The following GRB14 variants were observed in gnomAD, a reference collection of about 807,000 sequenced individuals.
GRB14 encodes growth factor receptor bound protein 14.
A neutral mutation model predicts 69.1 loss-of-function variants in GRB14; 38 were observed. The observed-to-expected ratio is 0.55, with a 90% CI of 0.42 to 0.72. The LOEUF is 0.72. GRB14 is among the 30% of genes least tolerant of loss of function. The pLI, the probability that GRB14 is intolerant of heterozygous loss-of-function variation, is 0.00. For synonymous variants in GRB14, 247 were observed against 241.3 expected, an observed-to-expected ratio of 1.02 and a Z score of -0.22; for missense variants, 666 against 666.1, an observed-to-expected ratio of 1.00 and a Z score of 0.00.
At chr2:164,495,682 C>T (rs899620628) in intron 12 of GRB14, among the ~76,000 whole-genome samples, 3 of 152,172 alleles carry the variant, frequency 2.0e-5, no homozygotes, top group South Asian at 4.1e-4. Context: ...AGATGTCTGA[C>T]GAGTTTATCC....
chr2:164,561,086 A>T (rs1688816361), intron 2 of GRB14, among the ~76,000 whole-genome samples: 1 of 152,146 alleles, frequency 6.6e-6, no homozygotes, highest in Non-Finnish European at 1.5e-5. Flanking sequence ...GAGACCGTTC[A>T]TTAGCCCAGC....
At chr2:164,600,871 T>A (rs1228500853) in intron 2 of GRB14, among the ~76,000 whole-genome samples, 1 of 152,160 alleles carries the variant, frequency 6.6e-6, no homozygotes, top group Non-Finnish European at 1.5e-5. Flanking sequence ...TAGCCCCACA[T>A]TTATTATAAT....
chr2:164,576,284 G>T (rs1489194977), intron 2 of GRB14, among the ~76,000 whole-genome samples: 2 of 148,494 alleles, frequency 1.3e-5, no homozygotes, highest in African/African-American at 2.5e-5. Flanking sequence ...AATAACAAGA[G>T]AATTAAAAAG....
intron 2 of GRB14, among the ~76,000 whole-genome samples, chr2:164,549,598 C>T (rs1414565878): frequency 2.0e-5 from 3 of 152,124 alleles, no homozygotes; most frequent in African/African-American, 7.2e-5. Flanking sequence ...CACAGTGGCT[C>T]ACATCTGTAA....
intron 3 of GRB14, among the ~76,000 whole-genome samples, chr2:164,541,580 A>G (rs1189856578): frequency 6.6e-6 from 1 of 151,878 alleles, no homozygotes; most frequent in Non-Finnish European, 1.5e-5. Flanking sequence ...CCACCACTGC[A>G]CTCCACCTCA....
intron 6 of GRB14, among the ~76,000 whole-genome samples, chr2:164,518,419 A>C (rs945030761): frequency 6.6e-6 from 1 of 152,188 alleles, no homozygotes; most frequent in South Asian, 2.1e-4. Context: ...AAAAAGTCTA[A>C]AAGAGCACAA....
chr2:164,583,632 T>C (rs1452518194), intron 2 of GRB14, among the ~76,000 whole-genome samples: 1 of 151,988 alleles, frequency 6.6e-6, no homozygotes, highest in African/African-American at 2.4e-5. Flanking sequence ...TACAAGGTAA[T>C]AGAGTAAAAT....
intron 3 of GRB14, among the ~76,000 whole-genome samples, chr2:164,544,601 T>A (rs1688319474): frequency 6.6e-6 from 1 of 152,234 alleles, no homozygotes. Context: ...AGAAAATATA[T>A]GTTGAGCCTC....
chr2:164,494,567 T>C (rs769596849), intron 12 of GRB14, 43 bp from the exon 13 acceptor site: 6 of 999,788 alleles, frequency 6.0e-6, no homozygotes, highest in Non-Finnish European at 9.7e-6. Context: ...TATTTACTCA[T>C]GGATTTCATA....
At chr2:164,611,325 C>T (rs10930132) in intron 2 of GRB14, among the ~76,000 whole-genome samples, 1 of 152,040 alleles carries the variant, frequency 6.6e-6, no homozygotes, top group Non-Finnish European at 1.5e-5. Flanking sequence ...TATGGGGCTC[C>T]TGTAGGTGAG....
At chr2:164,586,556 T>G (rs1008000959) in intron 2 of GRB14, among the ~76,000 whole-genome samples, 4 of 152,158 alleles carry the variant, frequency 2.6e-5, no homozygotes, top group Non-Finnish European at 5.9e-5. Flanking sequence ...TTTCCATATA[T>G]GCTTTGACTC....
At chr2:164,580,469 C>T (rs1189153530) in intron 2 of GRB14, among the ~76,000 whole-genome samples, 8 of 150,908 alleles carry the variant, frequency 5.3e-5, no homozygotes, top group Non-Finnish European at 1.2e-4. Flanking sequence ...CTTTGGGAGG[C>T]CAAGGTGGGT....
intron 2 of GRB14, among the ~76,000 whole-genome samples, chr2:164,609,084 T>C (rs568291915): frequency 3.2e-4 from 48 of 152,316 alleles, no homozygotes; most frequent in Admixed American, 1.7e-3. Flanking sequence ...ATGATTTCTA[T>C]TAACATTTTA....
At chr2:164,555,964 T>C (rs1244970177) in intron 2 of GRB14, among the ~76,000 whole-genome samples, 1 of 150,866 alleles carries the variant, frequency 6.6e-6, no homozygotes, top group African/African-American at 2.5e-5. Flanking sequence ...AGATAGGCAA[T>C]GTACTAATAT....
intron 9 of GRB14, among the ~76,000 whole-genome samples, chr2:164,499,184 G>T (rs1040284729): frequency 1.3e-5 from 2 of 151,738 alleles, no homozygotes; most frequent in Admixed American, 1.3e-4. Context: ...CAACTCCCTG[G>T]CAACATAAAA....
rs561184941 is a variant in GRB14 at position 164,564,612 on chromosome 2, C to CT, written c.325-16797dup. Among the ~76,000 whole-genome samples the CT allele has an allele frequency of 2.4e-3, 363 of 152,222 alleles. 2 individuals are homozygous for CT. The highest frequency in any genetic ancestry group is 8.3e-3 in the African/African-American group (346 of 41,554). On this transcript the variant is annotated intron_variant, in intron 2 of 13. Transcript: ENST00000263915. Reference sequence around the variant, plus strand: ...AAAATATATGTCATTAAAAGTATCCCTTTTTTTCTCTGAGATTTCAGAAGA... The same window carrying CT: ...AAAATATATGTCATTAAAAGTATCCCTTTTTTTTCTCTGAGATTTCAGAAGA...
chr2:164,584,070 C>G (rs1689477459), intron 2 of GRB14, among the ~76,000 whole-genome samples: 1 of 147,430 alleles, frequency 6.8e-6, no homozygotes, highest in East Asian at 2.0e-4. Context: ...ACTGCAACTT[C>G]TACCTCGCAG....
Position 164,525,045 on chromosome 2 carries a change from T to C in GRB14, c.637A>G (p.Thr213Ala). ...GGGGATATTTCACCATTGGTTTCAG[T>C]TGCAAAAGATACCATATGCTCTGGA... ...FFPEHMVSFA[T>A]ETNGEISPTQ... The change falls in exon 5 of 14, where the codon ACT (threonine) becomes GCT (alanine). Residue 213 changes from threonine to alanine, a missense_variant. By Grantham distance (58) the Thr-to-Ala change is moderately conservative. Coordinates refer to ENST00000263915, the MANE Select transcript of GRB14 (RefSeq NM_004490.3). 1 of 1,593,478 alleles carries C rather than the reference T, an allele frequency of 6.3e-7. No individual in the cohort carries two copies. The highest frequency in any genetic ancestry group is 1.7e-5 in the Admixed American group (1 of 57,690).
At chr2:164,579,501 GCACA>G (rs61305070) in intron 2 of GRB14, among the ~76,000 whole-genome samples, 4,754 of 145,026 alleles carry the variant, frequency 0.033, 114 homozygotes, top group Admixed American at 0.072. Flanking sequence ...GGGCACACTT[GCACA>G]CACACACACA....
Sources: allele counts gnomAD v4.1 joint callset (sites outside exome capture counted in the v4.1 genomes callset), GRCh38; gene constraint gnomAD v4.1.1; transcripts MANE v1.5; gene names NCBI Gene and HGNC (gene_info 2026-07-23, HGNC 2026-07-21).